Variants in CARD8 observed in about 807,000 individuals in gnomAD.
The protein encoded by CARD8 is caspase recruitment domain family member 8, also known as caspase recruitment domain-containing protein 8.
CARD8 carries 38 observed loss-of-function variants against 53.2 expected under a neutral mutation model. The ratio of observed to expected loss-of-function variants is 0.71; its 90% CI spans 0.55 to 0.94. The LOEUF is 0.94. CARD8 is among the 40% of genes least tolerant of loss of function. The pLI is 0.00. For synonymous variants in CARD8, 245 were observed against 244.9 expected (o/e 1.00, Z 0.00); for missense variants, 561 against 655.5 (o/e 0.86, Z 1.57).
chr19:48,253,669 G>C (rs963887440), intron 1 of CARD8, among the ~76,000 whole-genome samples: 1 of 152,056 alleles, frequency 6.6e-6, no homozygotes, highest in African/African-American at 2.4e-5. Context: ...AATAATATTA[G>C]ACAAAATATA....
chr19:48,203,841 T>C (rs548578233), downstream of CARD8: 6 of 231,134 alleles, frequency 2.6e-5, no homozygotes, highest in Non-Finnish European at 4.5e-5. Flanking sequence ...ACCTTGTTCC[T>C]ACCTCCAGCC....
At chr19:48,237,101 A>G (rs13346264) in intron 5 of CARD8, among the ~76,000 whole-genome samples, 8,850 of 152,080 alleles carry the variant, frequency 0.058, 635 homozygotes, top group African/African-American at 0.17. Context: ...TTGCATTGCT[A>G]TAGAGGACTG....
rs778491592 is a variant in CARD8 at position 48,240,947 on chromosome 19, C to T, written c.59+15G>A. The stretch of plus-strand genomic sequence containing the variant: ...TCAGCCATCAGGAGCCCTCACAGAG[C>T]GCAAAGTCACTCACCGTCTCGGCAG... On this transcript the variant is annotated intron_variant, in intron 4 of 13. Coordinates refer to ENST00000651546, the MANE Select transcript of CARD8 (RefSeq NM_001184900.3). 22 of 1,531,814 alleles carry T rather than the reference C, an allele frequency of 1.4e-5. No homozygotes were observed. The highest frequency in any genetic ancestry group is 1.7e-5 in the Non-Finnish European group (19 of 1,142,984). The allele number at this position is 1,531,814 out of a possible 1,614,324, so 94.9% of individuals were successfully genotyped here.
In CARD8 at chr19:48,231,047, G is replaced by C. The variant is rs1198312572; in HGVS notation, c.543-41C>G. On this transcript the variant is annotated intron_variant, in intron 8 of 13. Transcript: ENST00000651546. Reference sequence around the variant, plus strand: ...GTGATGTCATGACGGGAGAACCCCAGGACTTGGATTTAAGCAGCGATGTGC... The same window carrying C: ...GTGATGTCATGACGGGAGAACCCCACGACTTGGATTTAAGCAGCGATGTGC... The C allele has an allele frequency of 4.6e-6, 7 of 1,537,948 alleles. No individual in the cohort carries two copies. The African/African-American group carries it at 9.6e-5, about 21-fold the overall frequency.
chr19:48,222,668 G>C (rs1294527903), intron 10 of CARD8, among the ~76,000 whole-genome samples: 2 of 149,974 alleles, frequency 1.3e-5, no homozygotes, highest in Non-Finnish European at 2.9e-5. Context: ...CAGCCTGGGC[G>C]ACAGAGCGAG....
At chr19:48,207,742 T>TTTTTTTGTTTTTTTTTTTTTTTTTTTTC (rs2037450298), downstream of CARD8, among the ~76,000 whole-genome samples, 2 of 132,442 alleles carry the variant, frequency 1.5e-5, no homozygotes, top group Non-Finnish European at 3.2e-5. Flanking sequence ...CTGTTTTTTT[T>TTTTTTTGTTTTTTTTTTTTTTTTTTTTC]TTTTTTTTTT....
chr19:48,223,259 G>A (rs1015728741), intron 10 of CARD8, among the ~76,000 whole-genome samples: 3 of 150,868 alleles, frequency 2.0e-5, no homozygotes, highest in African/African-American at 4.9e-5. Flanking sequence ...AGTCGGGATC[G>A]CACCACTGTA....
intron 5 of CARD8, among the ~76,000 whole-genome samples, chr19:48,236,195 G>A (rs563384658): frequency 6.6e-6 from 1 of 152,196 alleles, no homozygotes; most frequent in East Asian, 1.9e-4. Context: ...ATCTGCCATT[G>A]GTTTCATTTC....
intron 4 of CARD8, among the ~76,000 whole-genome samples, chr19:48,239,471 AC>A (rs977633701): frequency 8.6e-6 from 1 of 116,110 alleles, no homozygotes; most frequent in African/African-American, 3.2e-5. Context: ...GTCATTTCAG[AC>A]TTTTTTTTTT....
chr19:48,250,608 TC>T lies in CARD8; in HGVS notation c.-251-762del, dbSNP rs1225148528. Among the ~76,000 whole-genome samples the T allele has an allele frequency of 2.0e-5, 3 of 152,350 alleles. No individual in the cohort carries two copies. The East Asian group carries it at 5.8e-4, about 29-fold the overall frequency. ...ATCATTCTGTAATTAAGATTTGATG[TC>T]CCCTGATGCCAGCATGGACCTCTCC... On this transcript the variant is annotated intron_variant, in intron 1 of 13. Coordinates refer to ENST00000651546, the MANE Select transcript of CARD8 (RefSeq NM_001184900.3).
chr19:48,214,072 T>C (rs2038647364), intron 13 of CARD8, among the ~76,000 whole-genome samples: 1 of 152,244 alleles, frequency 6.6e-6, no homozygotes, highest in Non-Finnish European at 1.5e-5. Flanking sequence ...TAATTTGCTG[T>C]TGTATGCTCT....
chr19:48,230,069 C>T (rs372306933), intron 10 of CARD8, among the ~76,000 whole-genome samples: 39 of 152,134 alleles, frequency 2.6e-4, no homozygotes, highest in South Asian at 1.7e-3. Flanking sequence ...GCCAAGATTG[C>T]GCCAGTTCAC....
downstream of CARD8, chr19:48,204,239 T>G (rs541908009): frequency 2.2e-6 from 1 of 454,602 alleles, no homozygotes; most frequent in Non-Finnish European, 4.4e-6. Flanking sequence ...GTTGCCACAG[T>G]AACCCTGGAG....
intron 12 of CARD8, among the ~76,000 whole-genome samples, chr19:48,216,793 A>AT (rs1433960991): frequency 6.6e-6 from 1 of 152,114 alleles, no homozygotes; most frequent in Non-Finnish European, 1.5e-5. Flanking sequence ...GTGGAAGACA[A>AT]TTTTTTCCAC....
intron 3 of CARD8, among the ~76,000 whole-genome samples, chr19:48,242,996 T>C (rs573950006): frequency 6.6e-6 from 1 of 152,112 alleles, no homozygotes; most frequent in South Asian, 2.1e-4. Flanking sequence ...TATATAATAA[T>C]AAAAATACAT....
chr19:48,241,307 G>A (rs1475305803), intron 3 of CARD8, among the ~76,000 whole-genome samples: 1 of 152,166 alleles, frequency 6.6e-6, no homozygotes, highest in African/African-American at 2.4e-5. Flanking sequence ...CCAGGCTGGA[G>A]TGCAATGGCG....
intron 3 of CARD8, among the ~76,000 whole-genome samples, chr19:48,242,245 A>T (rs997139295): frequency 6.6e-6 from 1 of 151,894 alleles, no homozygotes; most frequent in Non-Finnish European, 1.5e-5. Context: ...GACCCCAGAG[A>T]CCTCGCTCCC....
At chr19:48,227,291 G>A (rs534720703) in intron 10 of CARD8, among the ~76,000 whole-genome samples, 67 of 152,064 alleles carry the variant, frequency 4.4e-4, no homozygotes, top group Non-Finnish European at 8.1e-4. Context: ...GGAGGTTGGC[G>A]GTTCCAAGTT....
intron 8 of CARD8, 52 bp from the exon 9 acceptor site, chr19:48,231,058 T>G: frequency 6.9e-7 from 1 of 1,451,370 alleles, no homozygotes; most frequent in East Asian, 2.3e-5. Context: ...GACTTGGATT[T>G]AAGCAGCGAT....
Sources: allele counts gnomAD v4.1 joint callset (sites outside exome capture counted in the v4.1 genomes callset), GRCh38; gene constraint gnomAD v4.1.1; transcripts MANE v1.5; gene names NCBI Gene and HGNC (gene_info 2026-07-23, HGNC 2026-07-21).